Variants in SYNRG observed in about 807,000 individuals in gnomAD.
SYNRG encodes AP1 gamma subunit binding protein 1.
Under a neutral mutation model 130.9 loss-of-function variants are expected in SYNRG, and 37 were observed. The observed-to-expected ratio is 0.28, with a 90% CI of 0.22 to 0.37. The LOEUF (loss-of-function observed/expected upper bound fraction) is 0.37, where lower values mean the gene tolerates loss of function less well. Among genes scored for constraint, SYNRG ranks in the 10% least tolerant of loss-of-function variants. The pLI is 1.00. For synonymous variants in SYNRG, 539 were observed against 568.1 expected, an observed-to-expected ratio of 0.95 and a Z score of 0.73; for missense variants, 1,338 against 1,588.9, an observed-to-expected ratio of 0.84 and a Z score of 2.68.
chr17:37,521,369 T>C (rs1200312513), intron 19 of SYNRG, among the ~76,000 whole-genome samples: 4 of 151,570 alleles, frequency 2.6e-5, no homozygotes, highest in African/African-American at 9.7e-5. Context: ...TGAGTGTAGA[T>C]GGGAGCTGCT....
chr17:37,539,267 C>A, intron 16 of SYNRG, 22 bp from the exon 17 acceptor site: 1 of 1,612,354 alleles, frequency 6.2e-7, no homozygotes, highest in Non-Finnish European at 8.5e-7. Flanking sequence ...TTAAAAAGAA[C>A]TGGGTTAAAC....
At chr17:37,590,662 T>G (rs2062092724) in intron 3 of SYNRG, among the ~76,000 whole-genome samples, 1 of 152,214 alleles carries the variant, frequency 6.6e-6, no homozygotes, top group Non-Finnish European at 1.5e-5. Context: ...GGCTCATGCC[T>G]GTAATCCCGG....
intron 1 of SYNRG, chr17:37,605,807 A>C (rs2063700239): frequency 1.0e-6 from 1 of 984,948 alleles, no homozygotes; most frequent in Non-Finnish European, 1.2e-6. Flanking sequence ...ATGAAAGCAG[A>C]GCTCTGTCAC....
At chr17:37,548,821 G>C (rs2058482700) in intron 14 of SYNRG, among the ~76,000 whole-genome samples, 1 of 129,494 alleles carries the variant, frequency 7.7e-6, no homozygotes, top group Non-Finnish European at 1.6e-5. Context: ...GGGAAACTCT[G>C]TCTTAAAAAA....
chr17:37,577,092 AAG>A (rs1568454127), intron 7 of SYNRG, among the ~76,000 whole-genome samples: 2 of 152,210 alleles, frequency 1.3e-5, no homozygotes, highest in Non-Finnish European at 2.9e-5. Flanking sequence ...GGGGGGAAAA[AAG>A]AGAGTTTTTA....
In SYNRG at chr17:37,522,635, CACTT is replaced by C. The variant is rs1252833859; in HGVS notation, c.3667-1991_3667-1988del. 4.2e-5 allele frequency among the ~76,000 whole-genome samples: 5 copies of C among 119,688 alleles called. No individual in the cohort carries two copies. In the South Asian group the frequency reaches 8.4e-4, roughly 20 times the overall value. The allele number at this position is 119,688 out of a possible 152,430, so 78.5% of individuals were successfully genotyped here. On this transcript the variant is annotated intron_variant, in intron 19 of 21. Transcript: ENST00000612223. ...GGTGTGCACCACCATGCCCAGCTAA[CACTT>C]TTTTTTTTTTTTTTTTTTTGAGGTG...
intron 19 of SYNRG, among the ~76,000 whole-genome samples, chr17:37,521,600 G>A (rs1368949688): frequency 1.3e-5 from 2 of 152,232 alleles, no homozygotes; most frequent in African/African-American, 2.4e-5. Flanking sequence ...ACTGGATCAC[G>A]ACAGGCCCAG....
At position 37,561,101 on chromosome 17, in the gene SYNRG, T is replaced by G. The variant is rs184028018; in HGVS notation, c.1663+94A>C. On this transcript the variant is annotated intron_variant, in intron 13 of 21. Transcript: ENST00000612223. ...CCTAAACACACAGACACACACACAC[T>G]AAAATAAAGGGAATGCCACTGAAAG... 1.0e-5 allele frequency: 11 copies of G among 1,071,944 alleles called. No individual in the cohort carries two copies. The African/African-American group carries it at 1.4e-4, about 14-fold the overall frequency. 66.4% of individuals were successfully genotyped at this position (1,071,944 alleles called of 1,614,324 possible). A position where few individuals can be genotyped will look rare whatever the true frequency, so the allele number is the denominator to read the frequency against.
At chr17:37,580,504 T>TGAGAGAGA (rs1338468452) in intron 6 of SYNRG, among the ~76,000 whole-genome samples, 2 of 116,330 alleles carry the variant, frequency 1.7e-5, no homozygotes, top group Non-Finnish European at 3.6e-5. Flanking sequence ...TGTGTGTGTG[T>TGAGAGAGA]GTGTGTGAGA....
chr17:37,532,671 CAAAAAAA>C (rs56982337), intron 19 of SYNRG, among the ~76,000 whole-genome samples: 15 of 79,138 alleles, frequency 1.9e-4, no homozygotes, highest in African/African-American at 4.0e-4. Context: ...AGATCTGTCT[CAAAAAAA>C]AAAAAAAAAA....
At chr17:37,563,325 TA>T (rs1171110278) in intron 11 of SYNRG, among the ~76,000 whole-genome samples, 1 of 152,190 alleles carries the variant, frequency 6.6e-6, no homozygotes, top group Admixed American at 6.5e-5. Flanking sequence ...AGGTAAGACT[TA>T]AAAAATTCGG....
rs1437382987 is a variant in SYNRG at position 37,516,231 on chromosome 17, A to G, written c.*2709T>C. The G allele has an allele frequency of 6.6e-6, 1 of 152,236 alleles. No homozygotes were observed. The highest frequency in any genetic ancestry group is 1.5e-5 in the Non-Finnish European group (1 of 68,046). The allele number at this position is 152,236 out of a possible 1,614,324, so 9.4% of individuals were successfully genotyped here. On this transcript the variant is annotated 3_prime_UTR_variant, in exon 22 of 22. Coordinates refer to ENST00000612223, the MANE Select transcript of SYNRG (RefSeq NM_007247.6). Reference sequence around the variant, plus strand: ...CAAGGACACGGGGCTCCTGGCTGACAAGAAGAGCTGAGGTGAAGCTGAATG... The same window carrying G: ...CAAGGACACGGGGCTCCTGGCTGACGAGAAGAGCTGAGGTGAAGCTGAATG...
chr17:37,538,360 C>T lies in SYNRG; in HGVS notation c.3481G>A (p.Val1161Ile), dbSNP rs1334513858. The T allele has an allele frequency of 6.2e-7, 1 of 1,611,336 alleles. No homozygotes were observed. Among genetic ancestry groups the T allele is most frequent in the Non-Finnish European group, 8.5e-7 (1 of 1,179,340 alleles). Residue 1161 changes from valine to isoleucine, a missense_variant, in exon 18 of 22, where the codon GTA (valine) becomes ATA (isoleucine). By Grantham distance (29) the Val-to-Ile change is conservative. Around this residue, in one of 3 missense-constraint regions of SYNRG, gnomAD observed 1,146 missense variants for 1,342.3 expected, o/e 0.85. Transcript: ENST00000612223. ...GISSSSVCTE[V>I]IQSAQGMEYL... ...TCCATGCCTTGAGCTGACTGAATTACTTCTGTGCAAACAGAACTACTACTG... is the reference window on the plus strand; with the variant it reads ...TCCATGCCTTGAGCTGACTGAATTATTTCTGTGCAAACAGAACTACTACTG...
At chr17:37,603,389 A>G (rs2063468292) in intron 1 of SYNRG, among the ~76,000 whole-genome samples, 6 of 152,214 alleles carry the variant, frequency 3.9e-5, no homozygotes, top group Admixed American at 3.9e-4. Flanking sequence ...CATAAAAATT[A>G]TAATGGTGAT....
rs1568434379 is a variant in SYNRG, at chr17:37,571,774, TAAG to T, written c.1098+14_1098+16del. The T allele has an allele frequency of 6.3e-7, 1 of 1,590,806 alleles. No individual in the cohort carries two copies. The highest frequency in any genetic ancestry group is 8.5e-7 in the Non-Finnish European group (1 of 1,170,094). ...ATTAATAAAGTTATTTGATCTAACT[TAAG>T]AAACATTGTTTACCTGTGTTACCGC... is the stretch of plus-strand genomic sequence containing the variant. On this transcript the variant is annotated intron_variant, in intron 9 of 21. Transcript: ENST00000612223.
chr17:37,539,955 A>G (rs1025421001), intron 16 of SYNRG, among the ~76,000 whole-genome samples: 1 of 152,166 alleles, frequency 6.6e-6, no homozygotes, highest in Non-Finnish European at 1.5e-5. Flanking sequence ...TGTAACAAGG[A>G]GTAGGGAAAG....
intron 5 of SYNRG, 68 bp from the exon 6 acceptor site, chr17:37,584,827 TAAGAA>T: frequency 8.5e-7 from 1 of 1,178,918 alleles, no homozygotes; most frequent in Non-Finnish European, 1.2e-6. Context: ...CCTCCCAAAT[TAAGAA>T]AAGCACAGAT....
chr17:37,540,626 T>A, intron 15 of SYNRG, 83 bp from the exon 16 acceptor site: 1,646 of 792,552 alleles, frequency 2.1e-3, no homozygotes, highest in Non-Finnish European at 2.8e-3. Flanking sequence ...ACCACAACCC[T>A]CTTCTTTTTT....
intron 6 of SYNRG, among the ~76,000 whole-genome samples, chr17:37,579,713 A>G (rs1033289290): frequency 6.6e-6 from 1 of 152,140 alleles, no homozygotes; most frequent in Non-Finnish European, 1.5e-5. Context: ...GTATCTATTC[A>G]TTTATTTTAG....
Sources: gnomAD v4.1 joint callset for allele counts (sites outside exome capture counted in the v4.1 genomes callset) on GRCh38, gnomAD v4.1.1 for gene constraint, gnomAD v4.1.1 regional missense constraint, MANE v1.5 for transcripts, NCBI Gene and HGNC (gene_info 2026-07-23, HGNC 2026-07-21) for gene names.